The following JMJD1C variants were observed in gnomAD, a reference collection of about 807,000 sequenced individuals.
JMJD1C encodes jumonji domain-containing protein 1C.
Under a neutral mutation model 245.3 loss-of-function variants are expected in JMJD1C, and 31 were observed. That is an observed-to-expected ratio of 0.13 (90% confidence interval 0.09 to 0.17). JMJD1C has a LOEUF of 0.17. Ranked by LOEUF, JMJD1C falls within the 10% of genes least tolerant of loss-of-function variation. The pLI is 1.00. For synonymous variants in JMJD1C, 1,057 were observed against 1,017.4 expected (o/e 1.04, Z -0.74); for missense variants, 2,691 against 3,000.2 (o/e 0.90, Z 2.41).
intron 1 of JMJD1C, among the ~76,000 whole-genome samples, chr10:63,491,508 T>C (rs1356621063): frequency 1.3e-5 from 2 of 152,226 alleles, no homozygotes; most frequent in African/African-American, 4.8e-5. Flanking sequence ...ACTTGTGGAC[T>C]GTTTTAAATA....
chr10:63,491,647 C>T (rs1034483802), intron 1 of JMJD1C, among the ~76,000 whole-genome samples: 1 of 152,136 alleles, frequency 6.6e-6, no homozygotes, highest in Non-Finnish European at 1.5e-5. Flanking sequence ...TGAAAATTTG[C>T]TTTGGAGTAT....
At chr10:63,319,221 C>T (rs1425523783) in intron 2 of JMJD1C, among the ~76,000 whole-genome samples, 1 of 140,804 alleles carries the variant, frequency 7.1e-6, no homozygotes, top group Non-Finnish European at 1.5e-5. Flanking sequence ...TGCGCCACTG[C>T]ACTCCAGCCT....
intron 3 of JMJD1C, among the ~76,000 whole-genome samples, chr10:63,225,466 C>T (rs1171652781): frequency 6.6e-6 from 1 of 152,076 alleles, no homozygotes; most frequent in African/African-American, 2.4e-5. Flanking sequence ...TAGTGAGACA[C>T]CTTAATGTAC....
intron 23 of JMJD1C, chr10:63,176,753 C>A: frequency 3.5e-6 from 1 of 287,566 alleles, no homozygotes; most frequent in Non-Finnish European, 6.5e-6. Flanking sequence ...GGTTTCCTTC[C>A]TTATAACTGT....
chr10:63,296,013 AT>A lies in JMJD1C; in HGVS notation c.334-31250del, dbSNP rs373671324. Among the ~76,000 whole-genome samples, 634 of 84,256 alleles carry A rather than the reference AT, an allele frequency of 7.5e-3. 32 individuals are homozygous for A. The highest frequency in any genetic ancestry group is 0.01 in the Non-Finnish European group (428 of 40,966). 55.3% of individuals were successfully genotyped at this position (84,256 alleles called of 152,430 possible). ...TGTGTGTGTGTGTGTGTATATATAT[AT>A]TTTTTTTTTTTTCTTAGATGGAGTT... On this transcript the variant is annotated intron_variant, in intron 2 of 25. Coordinates refer to ENST00000399262, the MANE Select transcript of JMJD1C (RefSeq NM_032776.3).
At chr10:63,517,633 C>T (rs1030906551) in intron 1 of JMJD1C, among the ~76,000 whole-genome samples, 2 of 152,074 alleles carry the variant, frequency 1.3e-5, no homozygotes, top group Non-Finnish European at 2.9e-5. Flanking sequence ...AAGTTCAGTA[C>T]TTAAAGAAAT....
intron 2 of JMJD1C, among the ~76,000 whole-genome samples, chr10:63,281,987 A>G (rs1394000715): frequency 6.6e-6 from 1 of 152,204 alleles, no homozygotes; most frequent in African/African-American, 2.4e-5. Context: ...ATACGTTTGC[A>G]TATGACTGAT....
chr10:63,500,196 A>ATTTTGACTGTGATTGTATT (rs1954501756), intron 1 of JMJD1C, among the ~76,000 whole-genome samples: 1 of 152,068 alleles, frequency 6.6e-6, no homozygotes, highest in South Asian at 2.1e-4. Context: ...CCGAGGCGGG[A>ATTTTGACTGTGATTGTATT]GAACTGCTTG....
intron 1 of JMJD1C, among the ~76,000 whole-genome samples, chr10:63,447,296 C>T (rs1174736282): frequency 6.6e-6 from 1 of 152,196 alleles, no homozygotes; most frequent in African/African-American, 2.4e-5. Flanking sequence ...CATGTTCCCA[C>T]ATTATTTCTA....
intron 1 of JMJD1C, among the ~76,000 whole-genome samples, chr10:63,512,427 T>C (rs72837066): frequency 0.018 from 2,691 of 152,298 alleles, 46 homozygotes; most frequent in Non-Finnish European, 0.026. Context: ...TAAGTCTTTA[T>C]TCTTCCTTTA....
At chr10:63,517,565 A>C (rs1313175942) in intron 1 of JMJD1C, among the ~76,000 whole-genome samples, 4 of 152,178 alleles carry the variant, frequency 2.6e-5, no homozygotes, top group South Asian at 2.1e-4. Flanking sequence ...ACAATGAAGG[A>C]TGCGCTTTAT....
intron 2 of JMJD1C, among the ~76,000 whole-genome samples, chr10:63,335,276 C>CA (rs1336735358): frequency 2.0e-5 from 3 of 152,070 alleles, no homozygotes; most frequent in African/African-American, 7.2e-5. Flanking sequence ...AGCTGTAAGA[C>CA]AAACAACCTG....
At chr10:63,264,867 A>G in intron 2 of JMJD1C, 103 bp from the exon 3 acceptor site, 1 of 623,788 alleles carries the variant, frequency 1.6e-6, no homozygotes. Context: ...TTATCACTAC[A>G]GAGTCTTAGG....
At chr10:63,241,806 TTTTTG>T (rs944105748) in intron 3 of JMJD1C, among the ~76,000 whole-genome samples, 3 of 152,186 alleles carry the variant, frequency 2.0e-5, no homozygotes, top group Admixed American at 6.5e-5. Context: ...AGGCAACAAA[TTTTTG>T]TTTTGTTTTG....
At chr10:63,378,507 G>C (rs781651692) in intron 2 of JMJD1C, among the ~76,000 whole-genome samples, 1 of 152,084 alleles carries the variant, frequency 6.6e-6, no homozygotes, top group Non-Finnish European at 1.5e-5. Context: ...CAGGAGAACT[G>C]CGTGAACCCG....
rs377040804 is a variant in JMJD1C, at chr10:63,343,377, CA to C, written c.333+36940del. ...GTGAAACTCCATCTCAAAAAAAAAA[CA>C]AAAAAAAAAACAGATTTTAATGTAT... On this transcript the variant is annotated intron_variant, in intron 2 of 25. Transcript: ENST00000399262. 4.1e-4 allele frequency among the ~76,000 whole-genome samples: 54 copies of C among 131,622 alleles called. 1 individual carries two copies. The East Asian group carries it at 6.3e-3, about 15-fold the overall frequency. The allele number at this position is 131,622 out of a possible 152,430, so 86.3% of individuals were successfully genotyped here.
rs200728992 is a variant in JMJD1C at position 63,215,312 on chromosome 10, T to C, written c.966A>G (p.Pro322=). The part of the protein sequence containing the change: ...NKRKGSDSSI[P]DEEKMKEEKY... ...TTTCCTCCTTCATCTTCTCTTCATC[T>C]GGTATACTGCTATCTGAGCCCTTCC... The change falls in exon 7 of 26, where the codon CCA becomes CCG. Residue 322 remains proline, a synonymous_variant. Transcript: ENST00000399262. 160 of 1,614,132 alleles carry C rather than the reference T, an allele frequency of 9.9e-5. No individual in the cohort carries two copies. In the African/African-American group the frequency reaches 1.9e-3, roughly 19 times the overall value.
intron 24 of JMJD1C, among the ~76,000 whole-genome samples, chr10:63,175,592 C>T (rs1477256145): frequency 6.6e-6 from 1 of 152,172 alleles, no homozygotes; most frequent in Non-Finnish European, 1.5e-5. Context: ...TAATATACAT[C>T]AGCTACATCT....
chr10:63,284,901 ACACACATT>A (rs757228185), intron 2 of JMJD1C, among the ~76,000 whole-genome samples: 34 of 92,252 alleles, frequency 3.7e-4, no homozygotes, highest in Non-Finnish European at 6.5e-4. Flanking sequence ...ACACACACAC[ACACACATT>A]CTCTCTACTC....
Sources: allele counts gnomAD v4.1 joint callset (sites outside exome capture counted in the v4.1 genomes callset), GRCh38; gene constraint gnomAD v4.1.1; transcripts MANE v1.5; gene names NCBI Gene and HGNC (gene_info 2026-07-23, HGNC 2026-07-21).